The following LRRC49 variants were observed in gnomAD, a reference collection of about 807,000 sequenced individuals.
The protein encoded by LRRC49 is leucine-rich repeat-containing protein 49.
Under a neutral mutation model 83.3 loss-of-function variants are expected in LRRC49, and 50 were observed. That is an observed-to-expected ratio of 0.60 (90% CI 0.48 to 0.76). The LOEUF is 0.76. LRRC49 is among the 30% of genes least tolerant of loss of function. The pLI, the probability that LRRC49 is intolerant of heterozygous loss-of-function variation, is 0.00. For synonymous variants in LRRC49, 286 were observed against 283.3 expected (o/e 1.01, Z -0.10); for missense variants, 704 against 809.1 (o/e 0.87, Z 1.58).
At chr15:71,015,656 T>C (rs1455300882) in intron 14 of LRRC49, among the ~76,000 whole-genome samples, 3 of 152,252 alleles carry the variant, frequency 2.0e-5, no homozygotes, top group Admixed American at 1.3e-4. Flanking sequence ...ACCCCTGATA[T>C]ACAGCATAGC....
At chr15:70,914,635 G>A (rs2034687926) in intron 6 of LRRC49, among the ~76,000 whole-genome samples, 1 of 152,198 alleles carries the variant, frequency 6.6e-6, no homozygotes. Context: ...AATTATATAT[G>A]AGTAGTGAAT....
intron 8 of LRRC49, among the ~76,000 whole-genome samples, chr15:70,940,318 G>A (rs1435635871): frequency 7.0e-6 from 1 of 142,674 alleles, no homozygotes; most frequent in Non-Finnish European, 1.5e-5. Flanking sequence ...GCGCAGTAGC[G>A]CAATCTCAGC....
intron 1 of LRRC49, among the ~76,000 whole-genome samples, chr15:70,864,692 A>G (rs148256715): frequency 7.9e-4 from 121 of 152,328 alleles, no homozygotes; most frequent in African/African-American, 2.8e-3. Flanking sequence ...ACTCAGGGGA[A>G]CTTTTCTGGA....
At chr15:70,954,695 GC>G (rs1201447474) in intron 8 of LRRC49, among the ~76,000 whole-genome samples, 1 of 147,870 alleles carries the variant, frequency 6.8e-6, no homozygotes, top group Non-Finnish European at 1.5e-5. Flanking sequence ...CTTTTAGGGG[GC>G]AAGACTCAGC....
At chr15:70,889,659 T>C (rs1406696929), upstream of LRRC49, among the ~76,000 whole-genome samples, 1 of 152,226 alleles carries the variant, frequency 6.6e-6, no homozygotes, top group East Asian at 1.9e-4. Flanking sequence ...TCCTTGGAAG[T>C]GGTGTCTTAT....
At chr15:71,015,907 A>G (rs2038810036) in intron 14 of LRRC49, among the ~76,000 whole-genome samples, 2 of 152,222 alleles carry the variant, frequency 1.3e-5, no homozygotes, top group Admixed American at 1.3e-4. Flanking sequence ...AATGTCCATC[A>G]ATAGAGCGAG....
intron 9 of LRRC49, among the ~76,000 whole-genome samples, chr15:70,977,854 G>T (rs1596089943): frequency 6.6e-6 from 1 of 151,654 alleles, no homozygotes; most frequent in Non-Finnish European, 1.5e-5. Flanking sequence ...TATGAATTTT[G>T]TTTCTAGCAG....
intron 1 of LRRC49, chr15:70,860,214 C>T: frequency 1.7e-6 from 1 of 605,440 alleles, no homozygotes; most frequent in South Asian, 1.8e-5. Flanking sequence ...GCCCCAGGGC[C>T]CTGGAGGAGG....
At chr15:70,855,862 G>A (rs959322896) in intron 1 of LRRC49, among the ~76,000 whole-genome samples, 1 of 152,200 alleles carries the variant, frequency 6.6e-6, no homozygotes, top group African/African-American at 2.4e-5. Flanking sequence ...AGCCAGCTGT[G>A]CCTCCCTCCA....
rs536428866 is a variant in LRRC49, at chr15:71,042,446, C to T, written c.1857+5114C>T. ...AAGCCCCAAAATATTTGGAAAGAAA[C>T]ACTAATCTAACAATCAGGAGATGTG... On this transcript the variant is annotated intron_variant, in intron 15 of 15. Transcript: ENST00000260382. Among the ~76,000 whole-genome samples, 242 of 152,222 alleles carry T rather than the reference C, an allele frequency of 1.6e-3. 2 individuals carry two copies. The highest frequency in any genetic ancestry group is 4.0e-3 in the Admixed American group (61 of 15,288).
intron 7 of LRRC49, among the ~76,000 whole-genome samples, chr15:70,931,298 C>G (rs1270975135): frequency 6.6e-6 from 1 of 152,090 alleles, no homozygotes; most frequent in African/African-American, 2.4e-5. Flanking sequence ...GTGGAGCAGT[C>G]AGAACACACA....
At chr15:71,033,957 A>G (rs555007028) in intron 14 of LRRC49, among the ~76,000 whole-genome samples, 2 of 152,336 alleles carry the variant, frequency 1.3e-5, no homozygotes, top group East Asian at 3.9e-4. Context: ...AGGCAATACC[A>G]TTCAGGCATA....
At chr15:71,005,391 C>T (rs1209043742) in intron 11 of LRRC49, among the ~76,000 whole-genome samples, 1 of 152,102 alleles carries the variant, frequency 6.6e-6, no homozygotes, top group East Asian at 1.9e-4. Context: ...TTCCTCTCCG[C>T]CCCACCCATC....
intron 15 of LRRC49, among the ~76,000 whole-genome samples, chr15:71,048,251 C>T (rs2039914264): frequency 6.6e-6 from 1 of 151,740 alleles, no homozygotes; most frequent in African/African-American, 2.4e-5. Context: ...TTACACCTGG[C>T]TAAATTTTTT....
At chr15:70,853,611 TC>T (rs1187080699) in intron 1 of LRRC49, 2 of 276,960 alleles carry the variant, frequency 7.2e-6, no homozygotes, top group Non-Finnish European at 1.3e-5. Flanking sequence ...GTGAAAGTCC[TC>T]CTCCTGGATC....
rs1470082631 is a variant in LRRC49, at chr15:70,933,866, T to C, written c.712-2895T>C. Reference sequence around the variant, plus strand: ...AGTCTTGGACCATGATGTTAAACTTTTGTTTTCCCTGAGATTAATAGCTGT... The same window carrying C: ...AGTCTTGGACCATGATGTTAAACTTCTGTTTTCCCTGAGATTAATAGCTGT... On this transcript the variant is annotated intron_variant, in intron 7 of 15. Transcript: ENST00000260382. 2.6e-5 allele frequency among the ~76,000 whole-genome samples: 4 copies of C among 152,210 alleles called. No homozygotes were observed. In the East Asian group the frequency reaches 7.7e-4, roughly 29 times the overall value.
chr15:71,042,615 A>G (rs540166442), intron 15 of LRRC49, among the ~76,000 whole-genome samples: 10 of 152,260 alleles, frequency 6.6e-5, no homozygotes, highest in South Asian at 4.1e-4. Context: ...CTGCAGCACA[A>G]AGTGCTCAGT....
chr15:70,997,875 C>A (rs992676116), intron 11 of LRRC49, among the ~76,000 whole-genome samples: 2 of 152,150 alleles, frequency 1.3e-5, no homozygotes, highest in Non-Finnish European at 2.9e-5. Flanking sequence ...GTTGTATATC[C>A]TTTTTTGGCT....
intron 1 of LRRC49, among the ~76,000 whole-genome samples, chr15:70,856,703 C>T (rs1045843514): frequency 6.6e-6 from 1 of 152,162 alleles, no homozygotes; most frequent in Non-Finnish European, 1.5e-5. Context: ...AAGTCCAACT[C>T]GATCACGTTT....
Sources: gnomAD v4.1 joint callset for allele counts (sites outside exome capture counted in the v4.1 genomes callset) on GRCh38, gnomAD v4.1.1 for gene constraint, MANE v1.5 for transcripts, NCBI Gene and HGNC (gene_info 2026-07-23, HGNC 2026-07-21) for gene names.